FRMPD2: variants seen among roughly 807,000 people sequenced by gnomAD.
The protein encoded by FRMPD2 is FERM and PDZ domain-containing protein 2.
A neutral mutation model predicts 140.1 loss-of-function variants in FRMPD2; 96 were observed. The ratio of observed to expected loss-of-function variants is 0.69; its 90% CI spans 0.58 to 0.81. The LOEUF (loss-of-function observed/expected upper bound fraction) is 0.81. FRMPD2 is among the 40% of genes least tolerant of loss of function. The pLI is 0.00. For missense variants in FRMPD2, 1,240 were observed against 1,447.4 expected, an observed-to-expected ratio of 0.86 and a Z score of 2.32; for synonymous variants, 449 against 547.6, an observed-to-expected ratio of 0.82 and a Z score of 2.52.
At chr10:48,273,497 G>A (rs944746166) in intron 1 of FRMPD2, among the ~76,000 whole-genome samples, 1 of 152,068 alleles carries the variant, frequency 6.6e-6, no homozygotes, top group African/African-American at 2.4e-5. Flanking sequence ...ATGCCACTGG[G>A]CCTTTGCATG....
In FRMPD2 at chr10:48,236,546, C is replaced by A; in HGVS notation, c.929G>T (p.Arg310Met). Residue 310 changes from arginine to methionine, a missense_variant, in exon 9 of 29, where the codon AGG (arginine) becomes ATG (methionine). Arg to Met is a moderately conservative substitution (Grantham distance 91). Coordinates refer to ENST00000374201, the MANE Select transcript of FRMPD2 (RefSeq NM_001018071.4). ...TCCAGCCAACAGGATGAACTCTGGC[C>A]TGGAAAACTGGAGGAAAACAGTCAC... ...GFLQRRSKFS[R>M]PEFILLAGEA... 6.2e-7 allele frequency: 1 copy of A among 1,614,132 alleles called. No homozygotes were observed.
intron 20 of FRMPD2, among the ~76,000 whole-genome samples, chr10:48,182,272 G>T (rs1237560934): frequency 6.6e-6 from 1 of 152,126 alleles, no homozygotes; most frequent in Non-Finnish European, 1.5e-5. Context: ...AGTGTCATAA[G>T]CATCGGCTCA....
intron 13 of FRMPD2, among the ~76,000 whole-genome samples, chr10:48,207,546 A>C (rs1839229048): frequency 6.6e-6 from 1 of 152,200 alleles, no homozygotes; most frequent in Non-Finnish European, 1.5e-5. Context: ...AAATTTTGCC[A>C]GGGGCCATGG....
In FRMPD2 at chr10:48,273,880, T is replaced by C. The variant is rs574234561; in HGVS notation, c.25+663A>G. 2.2e-4 allele frequency among the ~76,000 whole-genome samples: 33 copies of C among 149,718 alleles called. No homozygotes were observed. The South Asian group carries it at 6.3e-3, about 28-fold the overall frequency. ...ACGACTCATCTCTGAACTCAATTGT[T>C]GCTTTAAAAAAAAAAAAAAGTTGTT... On this transcript the variant is annotated intron_variant, in intron 1 of 28. Coordinates refer to ENST00000374201, the MANE Select transcript of FRMPD2 (RefSeq NM_001018071.4).
intron 2 of FRMPD2, among the ~76,000 whole-genome samples, chr10:48,250,265 T>C (rs1414452391): frequency 6.6e-6 from 1 of 152,186 alleles, no homozygotes; most frequent in East Asian, 1.9e-4. Flanking sequence ...CAGCAAATTC[T>C]ACCATCATCA....
chr10:48,271,589 G>A (rs1459648476), intron 1 of FRMPD2, among the ~76,000 whole-genome samples: 1 of 152,030 alleles, frequency 6.6e-6, no homozygotes, highest in Admixed American at 6.6e-5. Flanking sequence ...GTTGGGCTAT[G>A]ATAGCTCAAG....
At chr10:48,195,081 G>A (rs1246334793) in intron 15 of FRMPD2, among the ~76,000 whole-genome samples, 1 of 152,140 alleles carries the variant, frequency 6.6e-6, no homozygotes, top group Non-Finnish European at 1.5e-5. Flanking sequence ...GTGTCATAAG[G>A]ACACAGGATA....
At chr10:48,242,521 T>C (rs1840146595) in intron 4 of FRMPD2, among the ~76,000 whole-genome samples, 169 bp from the exon 5 acceptor site, 1 of 152,270 alleles carries the variant, frequency 6.6e-6, no homozygotes, top group African/African-American at 2.4e-5. Flanking sequence ...GATCCATCAC[T>C]GAGGCCGCAA....
intron 12 of FRMPD2, among the ~76,000 whole-genome samples, chr10:48,221,401 A>G (rs1055193533): frequency 1.3e-5 from 2 of 152,214 alleles, no homozygotes; most frequent in African/African-American, 2.4e-5. Flanking sequence ...ATGCGAAAAC[A>G]TAAGAATGAT....
intron 1 of FRMPD2, among the ~76,000 whole-genome samples, chr10:48,272,380 A>G (rs931220556): frequency 3.9e-5 from 6 of 152,242 alleles, no homozygotes; most frequent in Non-Finnish European, 7.3e-5. Context: ...GCCATTACCA[A>G]AAAGTATTAT....
At chr10:48,226,097 A>G (rs892100751) in intron 10 of FRMPD2, among the ~76,000 whole-genome samples, 2 of 152,198 alleles carry the variant, frequency 1.3e-5, no homozygotes, top group East Asian at 3.9e-4. Flanking sequence ...ACCAAAGATA[A>G]TTTAGAGCTC....
chr10:48,189,180 A>G (rs1838769529), intron 16 of FRMPD2, among the ~76,000 whole-genome samples: 1 of 152,228 alleles, frequency 6.6e-6, no homozygotes, highest in African/African-American at 2.4e-5. Flanking sequence ...AGAGCCAAGG[A>G]TATACCAGGC....
intron 27 of FRMPD2, among the ~76,000 whole-genome samples, chr10:48,164,283 C>T (rs1373312504): frequency 1.3e-5 from 2 of 151,264 alleles, no homozygotes; most frequent in East Asian, 1.9e-4. Flanking sequence ...CTGGCTGTCT[C>T]CACTGTCTTT....
chr10:48,167,802 C>T (rs1415020431), intron 27 of FRMPD2, among the ~76,000 whole-genome samples: 1 of 152,140 alleles, frequency 6.6e-6, no homozygotes, highest in Non-Finnish European at 1.5e-5. Flanking sequence ...AATCAGCAAA[C>T]TTTGAGTAAA....
chr10:48,272,709 A>G (rs1345865339), intron 1 of FRMPD2, among the ~76,000 whole-genome samples: 6 of 152,242 alleles, frequency 3.9e-5, no homozygotes, highest in Non-Finnish European at 5.9e-5. Flanking sequence ...GAAAATGTTC[A>G]TGCAGATTAA....
At chr10:48,184,199 C>A (rs1838619691) in intron 20 of FRMPD2, among the ~76,000 whole-genome samples, 2 of 151,950 alleles carry the variant, frequency 1.3e-5, no homozygotes, top group South Asian at 2.1e-4. Flanking sequence ...GTATAGGATT[C>A]TATACAAAAT....
chr10:48,202,641 A>G (rs533823496), intron 14 of FRMPD2, among the ~76,000 whole-genome samples: 18 of 152,332 alleles, frequency 1.2e-4, no homozygotes, highest in African/African-American at 4.1e-4. Flanking sequence ...AGTCGTAATA[A>G]TTCTTCTTTA....
At position 48,216,290 on chromosome 10, in the gene FRMPD2, GGATAGATA is replaced by G. The variant is rs71788001; in HGVS notation, c.1456-4189_1456-4182del. Among the ~76,000 whole-genome samples the G allele has an allele frequency of 7.3e-3, 1,092 of 149,668 alleles. 10 individuals carry two copies. Among genetic ancestry groups the G allele is most frequent in the African/African-American group, 0.02 (825 of 40,532 alleles). On this transcript the variant is annotated intron_variant, in intron 12 of 28. Transcript: ENST00000374201. The stretch of plus-strand genomic sequence containing the variant: ...GGCAGATGATAGATACATAGATGAT[GGATAGATA>G]GATAGATAGATAGATAGATAGATAG...
rs1840384117 is a variant in FRMPD2 at position 48,251,606 on chromosome 10, C to A, written c.111G>T (p.Leu37=). ...ALSEEEIWSL[L]FLAAEQLLED... Reference sequence around the variant, plus strand: ...CCAGGAGCTGCTCAGCGGCCAGGAACAGGAGGGACCAGATTTCCTCCTCAG... The same window carrying A: ...CCAGGAGCTGCTCAGCGGCCAGGAAAAGGAGGGACCAGATTTCCTCCTCAG... Residue 37 remains leucine (L), a synonymous_variant, in exon 2 of 29, where the codon CTG becomes CTT. Transcript: ENST00000374201. The A allele has an allele frequency of 6.2e-7, 1 of 1,614,250 alleles. No individual in the cohort carries two copies. The highest frequency in any genetic ancestry group is 8.5e-7 in the Non-Finnish European group (1 of 1,180,034).
Sources: allele counts gnomAD v4.1 joint callset (sites outside exome capture counted in the v4.1 genomes callset), GRCh38; gene constraint gnomAD v4.1.1; transcripts MANE v1.5; gene names NCBI Gene and HGNC (gene_info 2026-07-23, HGNC 2026-07-21).